The following ZFHX3 variants were observed in gnomAD, a reference collection of about 807,000 sequenced individuals.
The protein encoded by ZFHX3 is zinc finger homeobox 3.
In ZFHX3, 42 loss-of-function variants were observed where a neutral mutation model predicts 279.1. The observed-to-expected ratio is 0.15, with a 90% CI of 0.12 to 0.19. ZFHX3 has a LOEUF of 0.19. Among genes scored for constraint, ZFHX3 ranks in the 10% least tolerant of loss-of-function variants. The pLI, the probability that ZFHX3 is intolerant of heterozygous loss-of-function variation, is 1.00. For missense variants in ZFHX3, 4,981 were observed against 4,754.0 expected, an observed-to-expected ratio of 1.05 and a Z score of -1.40; for synonymous variants, 2,293 against 1,957.8, an observed-to-expected ratio of 1.17 and a Z score of -4.52.
chr16:72,853,731 G>A (rs1021057819), intron 4 of ZFHX3, among the ~76,000 whole-genome samples: 3 of 152,152 alleles, frequency 2.0e-5, no homozygotes, highest in South Asian at 2.1e-4. Context: ...TCAGGAGGGC[G>A]GGGAAGGAAG....
chr16:73,730,214 A>C (rs909022998), intron 1 of ZFHX3, among the ~76,000 whole-genome samples: 2 of 152,156 alleles, frequency 1.3e-5, no homozygotes, highest in African/African-American at 2.4e-5. Context: ...CAAAGGACAG[A>C]ATATGGAAAT....
At position 73,779,215 on chromosome 16, in the gene ZFHX3, T is replaced by C. The variant is rs77625975; in HGVS notation, c.-1607-98975A>G. Among the ~76,000 whole-genome samples, 214 of 152,334 alleles carry C rather than the reference T, an allele frequency of 1.4e-3. 5 individuals carry two copies. In the East Asian group the frequency reaches 0.04, roughly 28 times the overall value. On this transcript the variant is annotated intron_variant, in intron 1 of 17. Coordinates refer to the ZFHX3 transcript ENST00000641206. ...TGGGAATTCTGGGGGTGATTTTTTTTCTTTATCGACTGAGCTCAAATTCAT... is the reference window on the plus strand; with the variant it reads ...TGGGAATTCTGGGGGTGATTTTTTTCCTTTATCGACTGAGCTCAAATTCAT...
rs2035260575 is a variant in ZFHX3, at chr16:72,784,374, A to G, written c.*2790T>C. The stretch of plus-strand genomic sequence containing the variant: ...AAAGGATAGAAATTGCACTATTACC[A>G]AGCAATATCATTTTTAAAAACAACG... On this transcript the variant is annotated 3_prime_UTR_variant, in exon 10 of 10. Transcript: ENST00000268489. 6.6e-6 allele frequency: 1 copy of G among 152,606 alleles called. No individual in the cohort carries two copies. The highest frequency in any genetic ancestry group is 1.5e-5 in the Non-Finnish European group (1 of 68,040). 9.5% of individuals were successfully genotyped at this position (152,606 alleles called of 1,614,324 possible).
At chr16:73,184,997 T>C (rs1168212771) in intron 5 of ZFHX3, among the ~76,000 whole-genome samples, 1 of 151,668 alleles carries the variant, frequency 6.6e-6, no homozygotes, top group Non-Finnish European at 1.5e-5. Flanking sequence ...TTTTTTTTTT[T>C]CTGAGACAGC....
chr16:72,942,190 A>C (rs1960441551), intron 3 of ZFHX3, among the ~76,000 whole-genome samples: 1 of 152,228 alleles, frequency 6.6e-6, no homozygotes, highest in Admixed American at 6.5e-5. Context: ...AGCAAGTTGA[A>C]AGAATTCAAC....
chr16:72,785,138 G>C lies in ZFHX3; in HGVS notation c.*2026C>G, dbSNP rs1047323661. 1 of 151,890 alleles carries C rather than the reference G, an allele frequency of 6.6e-6. No individual in the cohort carries two copies. Among genetic ancestry groups the C allele is most frequent in the African/African-American group, 2.5e-5 (1 of 40,728 alleles). 9.4% of individuals were successfully genotyped at this position (151,890 alleles called of 1,614,324 possible). A position where few individuals can be genotyped will look rare whatever the true frequency, so the allele number is the denominator to read the frequency against. On this transcript the variant is annotated 3_prime_UTR_variant, in exon 10 of 10. Coordinates refer to ENST00000268489, the MANE Select transcript of ZFHX3 (RefSeq NM_006885.4). ...GGGAGATGGTTTCTGTTGATGTTTA[G>C]CTATGAAAGTGAAACAGCAAAGCAT... is the stretch of plus-strand genomic sequence containing the variant.
chr16:72,867,240 T>A (rs2038044592), intron 4 of ZFHX3, among the ~76,000 whole-genome samples: 1 of 151,288 alleles, frequency 6.6e-6, no homozygotes, highest in African/African-American at 2.5e-5. Flanking sequence ...CAGGTGTCAA[T>A]AATGTCAGTG....
chr16:72,953,487 G>A (rs368414700), intron 2 of ZFHX3, among the ~76,000 whole-genome samples: 5 of 152,098 alleles, frequency 3.3e-5, no homozygotes, highest in South Asian at 2.1e-4. Context: ...ATTTCACCCC[G>A]GCACATCAAC....
intron 3 of ZFHX3, among the ~76,000 whole-genome samples, chr16:73,407,791 G>A (rs556769112): frequency 2.0e-5 from 3 of 152,370 alleles, no homozygotes; most frequent in South Asian, 4.1e-4. Context: ...GAGGCAGCAA[G>A]TTCTGTAGGT....
At chr16:73,430,062 T>A (rs1030277770) in intron 3 of ZFHX3, among the ~76,000 whole-genome samples, 22 of 151,814 alleles carry the variant, frequency 1.4e-4, no homozygotes, top group African/African-American at 2.7e-4. Context: ...ATTAAAAAAA[T>A]TTTTTTTTGT....
intron 1 of ZFHX3, among the ~76,000 whole-genome samples, chr16:73,887,407 G>A (rs184117620): frequency 8.1e-4 from 124 of 152,250 alleles, no homozygotes; most frequent in African/African-American, 2.9e-3. Context: ...ACATTCCTCT[G>A]AGTCTACTCC....
At chr16:72,870,269 G>A (rs144646495) in intron 4 of ZFHX3, among the ~76,000 whole-genome samples, 343 of 152,278 alleles carry the variant, frequency 2.3e-3, no homozygotes, top group Middle Eastern at 6.8e-3. Flanking sequence ...ATGCATGCCT[G>A]TAGTCCCAGG....
intron 4 of ZFHX3, among the ~76,000 whole-genome samples, chr16:73,302,556 C>T (rs192745776): frequency 1.6e-4 from 24 of 152,338 alleles, no homozygotes; most frequent in Admixed American, 1.4e-3. Flanking sequence ...AATCATGACT[C>T]CGAATACCCT....
At chr16:73,520,839 A>T (rs898075337) in intron 2 of ZFHX3, among the ~76,000 whole-genome samples, 3 of 151,896 alleles carry the variant, frequency 2.0e-5, no homozygotes, top group African/African-American at 7.2e-5. Flanking sequence ...AGTTTATAAA[A>T]TAATACAGAG....
chr16:73,361,903 C>T (rs1295481432), intron 3 of ZFHX3, among the ~76,000 whole-genome samples: 1 of 152,182 alleles, frequency 6.6e-6, no homozygotes, highest in African/African-American at 2.4e-5. Context: ...TTCTTCAACA[C>T]TGACATGGTC....
At chr16:73,627,522 T>C (rs374588610) in intron 2 of ZFHX3, among the ~76,000 whole-genome samples, 1 of 152,350 alleles carries the variant, frequency 6.6e-6, no homozygotes, top group African/African-American at 2.4e-5. Flanking sequence ...TGATTTGAAC[T>C]CTTTTGAATG....
In ZFHX3 at chr16:72,788,101, TGC is replaced by T; in HGVS notation, c.10173_10174del (p.Gln3392AlafsTer38). 6.2e-7 allele frequency: 1 copy of T among 1,608,700 alleles called. No homozygotes were observed. Among genetic ancestry groups the T allele is most frequent in the South Asian group, 1.1e-5 (1 of 90,994 alleles). Reference sequence around the variant, plus strand: ...TTGGCTTGCTTTGGGCTGCTGCTGCTGCACTTTTTGCTGCTGCTGCTGCTGTA... The same window carrying T: ...TTGGCTTGCTTTGGGCTGCTGCTGCTACTTTTTGCTGCTGCTGCTGCTGTA... On this transcript the variant is annotated frameshift_variant, in exon 10 of 10. Coordinates refer to ENST00000268489, the MANE Select transcript of ZFHX3 (RefSeq NM_006885.4). LOFTEE classifies it high-confidence loss of function.
chr16:72,907,371 A>G (rs1291291383), intron 3 of ZFHX3, among the ~76,000 whole-genome samples: 1 of 151,882 alleles, frequency 6.6e-6, no homozygotes, highest in African/African-American at 2.4e-5. Context: ...CTCACGCTCT[A>G]ATCTCTCCCC....
intron 2 of ZFHX3, chr16:73,504,384 C>T (rs77399908): frequency 6.6e-6 from 1 of 152,160 alleles, no homozygotes; most frequent in Non-Finnish European, 1.5e-5. Context: ...TCTTCTTCCC[C>T]AAACTGTTTT....
Sources: gnomAD v4.1 joint callset for allele counts (sites outside exome capture counted in the v4.1 genomes callset) on GRCh38, gnomAD v4.1.1 for gene constraint, MANE v1.5 for transcripts, NCBI Gene and HGNC (gene_info 2026-07-23, HGNC 2026-07-21) for gene names.